Variants in JAK2 observed in about 807,000 individuals in gnomAD.
The protein encoded by JAK2 is Janus kinase 2.
Under a neutral mutation model 139.3 loss-of-function variants are expected in JAK2, and 86 were observed. The observed-to-expected ratio is 0.62, with a 90% CI of 0.52 to 0.74. The LOEUF (loss-of-function observed/expected upper bound fraction) is 0.74. Ranked by LOEUF, JAK2 falls within the 30% of genes least tolerant of loss-of-function variation. JAK2 has a pLI of 0.00. For synonymous variants in JAK2, 490 were observed against 437.7 expected (o/e 1.12, Z -1.49); for missense variants, 1,421 against 1,360.3 (o/e 1.04, Z -0.70).
intron 23 of JAK2, among the ~76,000 whole-genome samples, chr9:5,125,265 T>C (rs1823900620): frequency 6.6e-6 from 1 of 151,028 alleles, no homozygotes; most frequent in Admixed American, 6.6e-5. Flanking sequence ...TATAAATATA[T>C]ATTATTTTAT....
chr9:5,120,943 G>A (rs955986630), intron 22 of JAK2, among the ~76,000 whole-genome samples: 2 of 152,298 alleles, frequency 1.3e-5, no homozygotes, highest in African/African-American at 4.8e-5. Flanking sequence ...ATGTGGAAAT[G>A]TTCTAAAAGT....
chr9:4,999,567 A>C (rs1820806912), intron 2 of JAK2, among the ~76,000 whole-genome samples: 2 of 152,234 alleles, frequency 1.3e-5, no homozygotes, highest in African/African-American at 4.8e-5. Flanking sequence ...ATATTAACTT[A>C]AATGATCACA....
chr9:5,108,306 C>A (rs944251358), intron 22 of JAK2: 2 of 152,182 alleles, frequency 1.3e-5, no homozygotes, highest in South Asian at 2.1e-4. Flanking sequence ...AATTCCTACC[C>A]TAATTATTAT....
chr9:5,113,393 T>C (rs1202056737), intron 22 of JAK2, among the ~76,000 whole-genome samples: 2 of 148,706 alleles, frequency 1.3e-5, no homozygotes, highest in East Asian at 3.9e-4. Flanking sequence ...CGTAATTTTT[T>C]TTAAGGAAAA....
chr9:5,029,649 A>G, intron 3 of JAK2, 134 bp from the exon 4 acceptor site: 1 of 721,448 alleles, frequency 1.4e-6, no homozygotes, highest in Non-Finnish European at 2.2e-6. Flanking sequence ...TGGTATATCA[A>G]AAGATTTCGA....
At chr9:5,020,689 G>A (rs1822360767) in intron 2 of JAK2, among the ~76,000 whole-genome samples, 1 of 152,182 alleles carries the variant, frequency 6.6e-6, no homozygotes, top group African/African-American at 2.4e-5. Context: ...GCTGTAGGTG[G>A]TAGAGCTTGT....
intron 22 of JAK2, chr9:5,110,429 A>C (rs1822364575): frequency 1.3e-5 from 2 of 152,428 alleles, no homozygotes; most frequent in Non-Finnish European, 2.9e-5. Context: ...TTAATCAGCC[A>C]CATCTAGCAT....
chr9:5,078,372 A>T lies in JAK2; in HGVS notation c.2059A>T (p.Arg687Trp), dbSNP rs377075634. ...KNILLIREED[R>W]KTGNPPFIKL... ...TATTCTGCTTATCAGAGAAGAAGAC[A>T]GGAAGACAGGAAATCCTCCTTTCAT... Residue 687 changes from arginine (R) to tryptophan (W), a missense_variant, in exon 16 of 25, where the codon AGG becomes TGG. Physicochemically the swap from Arg to Trp is moderately radical, Grantham distance 101. Transcript: ENST00000381652. The T allele has an allele frequency of 7.4e-6, 12 of 1,612,790 alleles. No individual in the cohort carries two copies. Among genetic ancestry groups the T allele is most frequent in the Non-Finnish European group, 1.0e-5 (12 of 1,178,980 alleles).
chr9:5,019,599 C>T (rs1244066988), intron 2 of JAK2, among the ~76,000 whole-genome samples: 1 of 152,140 alleles, frequency 6.6e-6, no homozygotes, highest in Non-Finnish European at 1.5e-5. Flanking sequence ...TCATATTTCC[C>T]TATGTTCCCA....
chr9:5,013,521 C>CA (rs1821840136), intron 2 of JAK2, among the ~76,000 whole-genome samples: 3 of 152,222 alleles, frequency 2.0e-5, no homozygotes, highest in Non-Finnish European at 4.4e-5. Flanking sequence ...TTGAGAAGCA[C>CA]TGACCTATCT....
chr9:5,126,309 A>T (rs1210820804), intron 23 of JAK2, 24 bp from the exon 24 acceptor site: 8 of 1,505,832 alleles, frequency 5.3e-6, no homozygotes, highest in Non-Finnish European at 7.3e-6. Context: ...TGTACAAAAA[A>T]TATTGAAAGT....
At chr9:5,078,119 G>A (rs1256085710) in intron 15 of JAK2, among the ~76,000 whole-genome samples, 187 bp from the exon 16 acceptor site, 2 of 152,088 alleles carry the variant, frequency 1.3e-5, no homozygotes, top group African/African-American at 4.8e-5. Context: ...ATAGATTATT[G>A]TGTTATTTAA....
At chr9:5,103,972 G>A (rs1235929764) in intron 22 of JAK2, among the ~76,000 whole-genome samples, 1 of 152,054 alleles carries the variant, frequency 6.6e-6, no homozygotes. Context: ...GCAGGAAAGA[G>A]CTAAAATCGA....
At chr9:5,092,181 G>GA (rs757400616) in intron 22 of JAK2, among the ~76,000 whole-genome samples, 4 of 152,100 alleles carry the variant, frequency 2.6e-5, no homozygotes, top group African/African-American at 4.8e-5. Flanking sequence ...TTCTACCCCA[G>GA]AAAATCTCAC....
intron 13 of JAK2, among the ~76,000 whole-genome samples, chr9:5,073,451 C>A (rs1382710085): frequency 1.3e-5 from 2 of 152,160 alleles, no homozygotes; most frequent in African/African-American, 4.8e-5. Flanking sequence ...TGGCATTATT[C>A]ATGATTCCTG....
chr9:5,078,837 T>C (rs1267288460), intron 16 of JAK2, among the ~76,000 whole-genome samples: 1 of 152,158 alleles, frequency 6.6e-6, no homozygotes, highest in Non-Finnish European at 1.5e-5. Flanking sequence ...TGTGAAGAAA[T>C]TAGTTTAATT....
chr9:5,066,820 C>T, intron 10 of JAK2, 31 bp downstream of exon 10: 1 of 954,002 alleles, frequency 1.0e-6, no homozygotes, highest in Non-Finnish European at 1.5e-6. Context: ...AGTGGTAACA[C>T]TTTATTTAGT....
intron 22 of JAK2, among the ~76,000 whole-genome samples, chr9:5,107,334 T>G (rs1042644450): frequency 3.3e-5 from 5 of 152,180 alleles, no homozygotes; most frequent in Admixed American, 6.5e-5. Context: ...CCAGCCCCTA[T>G]GAAGGCAGAT....
At chr9:4,996,928 C>CTTTTTTTTTTTTT (rs1166992356) in intron 2 of JAK2, among the ~76,000 whole-genome samples, 6 of 94,710 alleles carry the variant, frequency 6.3e-5, no homozygotes, top group East Asian at 3.3e-4. Flanking sequence ...TTAGTTTGTT[C>CTTTTTTTTTTTTT]TTTTTTTTTT....
Sources: gnomAD v4.1 joint callset for allele counts (sites outside exome capture counted in the v4.1 genomes callset) on GRCh38, gnomAD v4.1.1 for gene constraint, MANE v1.5 for transcripts, NCBI Gene and HGNC (gene_info 2026-07-23, HGNC 2026-07-21) for gene names.